The following NMNAT2 variants were observed in gnomAD, a reference collection of about 807,000 sequenced individuals.
NMNAT2 encodes nicotinamide nucleotide adenylyltransferase 2.
In NMNAT2, 11 loss-of-function variants were observed where a neutral mutation model predicts 41.6. The ratio of observed to expected loss-of-function variants is 0.26; its 90% CI spans 0.17 to 0.44. The LOEUF is 0.44. Among genes scored for constraint, NMNAT2 ranks in the 20% least tolerant of loss-of-function variants. The probability of loss-of-function intolerance (pLI) is 1.00; values close to 1 mark genes in which losing one functional copy is unlikely to be tolerated. For synonymous variants in NMNAT2, 148 were observed against 151.2 expected (o/e 0.98, Z 0.16); for missense variants, 288 against 407.7 (o/e 0.71, Z 2.53).
intron 1 of NMNAT2, among the ~76,000 whole-genome samples, chr1:183,315,012 C>T (rs113092577): frequency 2.0e-5 from 3 of 152,312 alleles, no homozygotes; most frequent in African/African-American, 7.2e-5. Context: ...TTTGTATATG[C>T]TAGTTTTGCG....
intron 1 of NMNAT2, among the ~76,000 whole-genome samples, chr1:183,340,017 T>C (rs1662761753): frequency 6.6e-6 from 1 of 152,216 alleles, no homozygotes; most frequent in Admixed American, 6.5e-5. Context: ...CAGAGTCACT[T>C]AGGCCAATCA....
intron 1 of NMNAT2, among the ~76,000 whole-genome samples, chr1:183,326,769 A>G (rs1024421524): frequency 2.0e-5 from 3 of 152,198 alleles, no homozygotes. Context: ...TGCAATGGAC[A>G]AGGTGAGACT....
chr1:183,351,202 T>A (rs1169181567), intron 1 of NMNAT2, among the ~76,000 whole-genome samples: 1 of 152,180 alleles, frequency 6.6e-6, no homozygotes, highest in Non-Finnish European at 1.5e-5. Flanking sequence ...AATACTATAA[T>A]CAAAAAAGAG....
Position 183,250,283 on chromosome 1 carries a change from C to T in NMNAT2, c.*2358G>A, listed in dbSNP as rs899373987. On this transcript the variant is annotated 3_prime_UTR_variant, in exon 11 of 11. Coordinates refer to ENST00000287713, the MANE Select transcript of NMNAT2 (RefSeq NM_015039.4). The stretch of plus-strand genomic sequence containing the variant: ...TCTTCCTTCACCTTCCACAAAGCAA[C>T]TCTTTCTTGGATTGATGGAGTCCGC... 7 of 152,274 alleles carry T rather than the reference C, an allele frequency of 4.6e-5. No individual in the cohort carries two copies. The highest frequency in any genetic ancestry group is 1.2e-4 in the African/African-American group (5 of 41,454). 9.4% of individuals were successfully genotyped at this position (152,274 alleles called of 1,614,324 possible). A position where few individuals can be genotyped will look rare whatever the true frequency, so the allele number is the denominator to read the frequency against.
intron 1 of NMNAT2, among the ~76,000 whole-genome samples, chr1:183,416,662 G>T (rs1269661959): frequency 1.3e-5 from 2 of 152,154 alleles, no homozygotes; most frequent in East Asian, 3.8e-4. Context: ...CTATCTCTCA[G>T]CCTCCCTCCT....
intron 1 of NMNAT2, among the ~76,000 whole-genome samples, chr1:183,350,000 C>T (rs1470812491): frequency 1.3e-5 from 2 of 152,186 alleles, no homozygotes; most frequent in Non-Finnish European, 2.9e-5. Flanking sequence ...AGGCTCTGTC[C>T]TGGACTTGCT....
intron 8 of NMNAT2, among the ~76,000 whole-genome samples, chr1:183,276,008 C>T (rs1018098998): frequency 6.6e-6 from 1 of 152,142 alleles, no homozygotes; most frequent in African/African-American, 2.4e-5. Context: ...CTTGCAGAAA[C>T]GGGGACTAGT....
At chr1:183,287,902 C>T (rs1033541439) in intron 4 of NMNAT2, among the ~76,000 whole-genome samples, 3 of 152,138 alleles carry the variant, frequency 2.0e-5, no homozygotes, top group Non-Finnish European at 4.4e-5. Context: ...AGAAGGGCAG[C>T]ATTTGTCTTG....
intron 1 of NMNAT2, among the ~76,000 whole-genome samples, chr1:183,340,050 G>A (rs1457906535): frequency 6.6e-6 from 1 of 152,244 alleles, no homozygotes; most frequent in East Asian, 1.9e-4. Flanking sequence ...GGAGCAGAGA[G>A]CCTGGTCCAG....
At chr1:183,343,322 A>G (rs970619461) in intron 1 of NMNAT2, among the ~76,000 whole-genome samples, 5 of 152,190 alleles carry the variant, frequency 3.3e-5, no homozygotes, top group African/African-American at 1.2e-4. Context: ...TCACTCATTC[A>G]ACAAATATCT....
intron 1 of NMNAT2, among the ~76,000 whole-genome samples, chr1:183,394,491 C>T (rs547735123): frequency 2.2e-4 from 34 of 152,290 alleles, no homozygotes; most frequent in Admixed American, 9.8e-4. Flanking sequence ...TGATTATTTT[C>T]TATTCTGTAG....
chr1:183,283,915 C>G, intron 7 of NMNAT2, 80 bp downstream of exon 7: 1 of 1,400,954 alleles, frequency 7.1e-7, no homozygotes, highest in South Asian at 1.2e-5. Flanking sequence ...TTTCAAGCCT[C>G]TCTGCTCCCC....
intron 1 of NMNAT2, among the ~76,000 whole-genome samples, chr1:183,305,716 CTT>C (rs5741563): frequency 0.021 from 2,592 of 123,132 alleles, 55 homozygotes; most frequent in African/African-American, 0.055. Context: ...CCTTTACAGC[CTT>C]TTTTTTTTTT....
intron 8 of NMNAT2, among the ~76,000 whole-genome samples, chr1:183,273,615 C>A (rs530118329): frequency 6.9e-4 from 105 of 152,294 alleles, no homozygotes; most frequent in Middle Eastern, 3.4e-3. Context: ...CTTTTCCAGA[C>A]CTTGAGATCC....
At chr1:183,349,418 A>G (rs1360230304) in intron 1 of NMNAT2, among the ~76,000 whole-genome samples, 1 of 152,280 alleles carries the variant, frequency 6.6e-6, no homozygotes, top group Non-Finnish European at 1.5e-5. Flanking sequence ...ACTCACAGGC[A>G]GCTCGATGCT....
chr1:183,354,085 TC>T (rs1391272440), intron 1 of NMNAT2, among the ~76,000 whole-genome samples: 1 of 152,164 alleles, frequency 6.6e-6, no homozygotes, highest in Admixed American at 6.5e-5. Context: ...GTCTGGACAA[TC>T]CTTTTTCCCC....
chr1:183,416,318 A>T lies in NMNAT2; in HGVS notation c.85+1865T>A, dbSNP rs560742883. On this transcript the variant is annotated intron_variant, in intron 1 of 10. Coordinates refer to ENST00000287713, the MANE Select transcript of NMNAT2 (RefSeq NM_015039.4). ...AAGATTCTTAGAGCCACAGAGTTTC[A>T]TCCCCAGCCCAATGGCTCTTCCCTA... is the stretch of plus-strand genomic sequence containing the variant. Among the ~76,000 whole-genome samples, 64 of 152,338 alleles carry T rather than the reference A, an allele frequency of 4.2e-4. 2 individuals are homozygous for T. In the South Asian group the frequency reaches 0.012, roughly 28 times the overall value.
At chr1:183,404,454 A>C (rs1571642251) in intron 1 of NMNAT2, among the ~76,000 whole-genome samples, 1 of 152,202 alleles carries the variant, frequency 6.6e-6, no homozygotes, top group Non-Finnish European at 1.5e-5. Flanking sequence ...TATGCTTAGA[A>C]ATACTGGAAG....
intron 1 of NMNAT2, among the ~76,000 whole-genome samples, chr1:183,397,836 A>C (rs1027963145): frequency 9.2e-5 from 14 of 152,204 alleles, no homozygotes; most frequent in Admixed American, 4.6e-4. Context: ...AGAGAAATAA[A>C]ATCCTTTACA....
Sources: allele counts gnomAD v4.1 joint callset (sites outside exome capture counted in the v4.1 genomes callset), GRCh38; gene constraint gnomAD v4.1.1; transcripts MANE v1.5; gene names NCBI Gene and HGNC (gene_info 2026-07-23, HGNC 2026-07-21).